SYN2: variants seen among roughly 807,000 people sequenced by gnomAD.
SYN2 encodes synapsin II.
A neutral mutation model predicts 50.9 loss-of-function variants in SYN2; 19 were observed. The ratio of observed to expected loss-of-function variants is 0.37; its 90% CI spans 0.26 to 0.55. SYN2 has a LOEUF of 0.55. Ranked by LOEUF, SYN2 falls within the 20% of genes least tolerant of loss-of-function variation. The pLI is 0.81. For synonymous variants in SYN2, 255 were observed against 224.9 expected, an observed-to-expected ratio of 1.13 and a Z score of -1.20; for missense variants, 587 against 576.4, an observed-to-expected ratio of 1.02 and a Z score of -0.19.
At chr3:12,130,131 A>AGTGT (rs144774071) in intron 1 of SYN2, among the ~76,000 whole-genome samples, 4 of 150,466 alleles carry the variant, frequency 2.7e-5, no homozygotes, top group Admixed American at 6.6e-5. Flanking sequence ...TAGCAGCCCA[A>AGTGT]GTGTGTGTGT....
chr3:12,089,544 A>T (rs1268052106), intron 1 of SYN2, among the ~76,000 whole-genome samples: 1 of 152,246 alleles, frequency 6.6e-6, no homozygotes, highest in Non-Finnish European at 1.5e-5. Context: ...GTACAGCAGC[A>T]TGTGCCTGTA....
At chr3:12,156,882 A>G (rs779990008) in intron 5 of SYN2, 5 of 1,614,208 alleles carry the variant, frequency 3.1e-6, no homozygotes, top group Non-Finnish European at 3.4e-6. Context: ...GGAAGAGTCA[A>G]AAGGCGTATA....
At chr3:12,132,092 G>A (rs1190394779) in intron 1 of SYN2, among the ~76,000 whole-genome samples, 40 of 138,126 alleles carry the variant, frequency 2.9e-4, no homozygotes, top group African/African-American at 9.6e-4. Flanking sequence ...GGCTGCACTC[G>A]AACTCCTGGG....
At chr3:12,165,522 T>G (rs1236332381) in intron 7 of SYN2, 1 of 152,216 alleles carries the variant, frequency 6.6e-6, no homozygotes, top group African/African-American at 2.4e-5. Flanking sequence ...AATATCCTGA[T>G]AAACCAAGGA....
chr3:12,154,384 C>T (rs1396026168), intron 5 of SYN2: 1 of 1,614,208 alleles, frequency 6.2e-7, no homozygotes, highest in South Asian at 1.1e-5. Flanking sequence ...GCACCAAGGA[C>T]AGGTCCTCCC....
intron 1 of SYN2, among the ~76,000 whole-genome samples, chr3:12,130,214 A>G (rs1696764190): frequency 2.7e-5 from 4 of 146,378 alleles, no homozygotes; most frequent in African/African-American, 1.0e-4. Flanking sequence ...ATACACAGAG[A>G]GATGTGTATG....
At chr3:12,141,405 T>G (rs920535066) in intron 2 of SYN2, among the ~76,000 whole-genome samples, 6 of 152,202 alleles carry the variant, frequency 3.9e-5, no homozygotes, top group Non-Finnish European at 7.4e-5. Context: ...TTGATAAAAA[T>G]TATTCCCATT....
At chr3:12,155,190 G>T (rs1373568491) in intron 5 of SYN2, among the ~76,000 whole-genome samples, 1 of 152,170 alleles carries the variant, frequency 6.6e-6, no homozygotes, top group Non-Finnish European at 1.5e-5. Context: ...CTGAGTGACT[G>T]CTGTGATCTA....
chr3:12,085,108 T>TAA (rs61355688), intron 1 of SYN2, among the ~76,000 whole-genome samples: 1 of 148,868 alleles, frequency 6.7e-6, no homozygotes, highest in Non-Finnish European at 1.5e-5. Context: ...GCTGACTGGG[T>TAA]AAAAAAAAAA....
At chr3:12,086,284 A>G (rs778328085) in intron 1 of SYN2, among the ~76,000 whole-genome samples, 3 of 152,178 alleles carry the variant, frequency 2.0e-5, no homozygotes, top group Non-Finnish European at 2.9e-5. Flanking sequence ...TGATTCTACC[A>G]GATATTTAAA....
chr3:12,072,923 A>G (rs1695390845), intron 1 of SYN2, among the ~76,000 whole-genome samples: 1 of 152,196 alleles, frequency 6.6e-6, no homozygotes. Flanking sequence ...ACAGAGCACT[A>G]AAGGCTAGTT....
chr3:12,120,650 C>A (rs1696535650), intron 1 of SYN2, among the ~76,000 whole-genome samples: 1 of 152,180 alleles, frequency 6.6e-6, no homozygotes, highest in South Asian at 2.1e-4. Context: ...TTGTTTATAA[C>A]CGCAATTTCC....
chr3:12,108,711 ATCT>A (rs1374285815), intron 1 of SYN2, among the ~76,000 whole-genome samples: 4 of 152,218 alleles, frequency 2.6e-5, no homozygotes, highest in East Asian at 1.9e-4. Flanking sequence ...TAATTCAACC[ATCT>A]TCTTTTCTAA....
At chr3:12,055,699 T>G (rs936524545) in intron 1 of SYN2, among the ~76,000 whole-genome samples, 2 of 152,236 alleles carry the variant, frequency 1.3e-5, no homozygotes, top group Non-Finnish European at 2.9e-5. Flanking sequence ...TGCCTTTCTC[T>G]CTGGGTATTT....
In SYN2 at chr3:12,022,313, T is replaced by G. The variant is rs1266071208; in HGVS notation, c.377+17385T>G. Reference sequence around the variant, plus strand: ...AATATCACTTCCGCATCTTCTTATATTGCCTAAAGTTTCACCATTTAAGTT... The same window carrying G: ...AATATCACTTCCGCATCTTCTTATAGTGCCTAAAGTTTCACCATTTAAGTT... On this transcript the variant is annotated intron_variant, in intron 1 of 12. Transcript: ENST00000621198. Among the ~76,000 whole-genome samples the G allele has an allele frequency of 4.6e-5, 7 of 152,200 alleles. No homozygotes were observed. In the South Asian group the frequency reaches 1.2e-3, roughly 27 times the overall value.
At position 12,170,257 on chromosome 3, in the gene SYN2, G is replaced by A. The variant is rs547642384; in HGVS notation, c.1308+351G>A. Among the ~76,000 whole-genome samples the A allele has an allele frequency of 3.3e-5, 5 of 152,272 alleles. No homozygotes were observed. In the Middle Eastern group the frequency reaches 0.014, roughly 414 times the overall value. On this transcript the variant is annotated intron_variant, in intron 10 of 12. Coordinates refer to ENST00000621198, the MANE Select transcript of SYN2 (RefSeq NM_133625.6). ...TGAGAGGTATTTGAGGAAGAGCTGGGTCACATCACTTACTGTCTATTCACT... is the reference window on the plus strand; with the variant it reads ...TGAGAGGTATTTGAGGAAGAGCTGGATCACATCACTTACTGTCTATTCACT...
chr3:12,117,740 C>T (rs886570305), intron 1 of SYN2, among the ~76,000 whole-genome samples: 3 of 152,210 alleles, frequency 2.0e-5, no homozygotes, highest in Non-Finnish European at 4.4e-5. Flanking sequence ...TCCTCTGTGT[C>T]TGCTGTCTGC....
Position 12,190,657 on chromosome 3 carries a change from C to A in SYN2, c.*32C>A. On this transcript the variant is annotated 3_prime_UTR_variant, in exon 13 of 13. Coordinates refer to ENST00000621198, the MANE Select transcript of SYN2 (RefSeq NM_133625.6). ...AGACACACGGGGCACCCAGCCCAACCGGGAAAGGCATCTAAGACATTCACC... is the reference window on the plus strand; with the variant it reads ...AGACACACGGGGCACCCAGCCCAACAGGGAAAGGCATCTAAGACATTCACC... 6.2e-7 allele frequency: 1 copy of A among 1,604,466 alleles called. No homozygotes were observed. Among genetic ancestry groups the A allele is most frequent in the Non-Finnish European group, 8.5e-7 (1 of 1,175,904 alleles).
At chr3:12,028,121 G>A (rs571925070) in intron 1 of SYN2, among the ~76,000 whole-genome samples, 3 of 135,728 alleles carry the variant, frequency 2.2e-5, no homozygotes, top group Middle Eastern at 4.9e-3. Flanking sequence ...GAGAATATGC[G>A]GTGTTTGGTT....
Sources: gnomAD v4.1 joint callset for allele counts (sites outside exome capture counted in the v4.1 genomes callset) on GRCh38, gnomAD v4.1.1 for gene constraint, MANE v1.5 for transcripts, NCBI Gene and HGNC (gene_info 2026-07-23, HGNC 2026-07-21) for gene names.